Variants in HECW1 observed in about 807,000 individuals in gnomAD.
HECW1 encodes the protein E3 ubiquitin-protein ligase HECW1.
HECW1 carries 61 observed loss-of-function variants against 182.3 expected under a neutral mutation model. The observed-to-expected ratio is 0.33, with a 90% CI of 0.27 to 0.41. The LOEUF is 0.41. Among genes scored for constraint, HECW1 ranks in the 10% least tolerant of loss-of-function variants. HECW1 has a pLI of 1.00. For missense variants in HECW1, 1,739 were observed against 2,108.9 expected (o/e 0.82, Z 3.44); for synonymous variants, 859 against 832.6 (o/e 1.03, Z -0.55).
intron 17 of HECW1, among the ~76,000 whole-genome samples, chr7:43,488,801 C>A (rs2078821179): frequency 6.6e-6 from 1 of 152,196 alleles, no homozygotes; most frequent in Non-Finnish European, 1.5e-5. Context: ...CCAGTACCAA[C>A]CAACCGTTTG....
intron 7 of HECW1, among the ~76,000 whole-genome samples, chr7:43,403,081 T>C (rs957172576): frequency 2.0e-5 from 3 of 152,248 alleles, no homozygotes; most frequent in African/African-American, 7.2e-5. Context: ...AACATCCTTA[T>C]GATGTTGTTG....
At position 43,282,106 on chromosome 7, in the gene HECW1, CAT is replaced by C. The variant is rs1248977111; in HGVS notation, c.28-29656_28-29655del. 2.0e-5 allele frequency among the ~76,000 whole-genome samples: 3 copies of C among 152,336 alleles called. No homozygotes were observed. In the East Asian group the frequency reaches 5.8e-4, roughly 29 times the overall value. ...TAATTTCTACTGCTAGATTGAAGGACATGTATTTACAGCAGGAGCAATGTCTT... is the reference window on the plus strand; with the variant it reads ...TAATTTCTACTGCTAGATTGAAGGACGTATTTACAGCAGGAGCAATGTCTT... On this transcript the variant is annotated intron_variant, in intron 3 of 29. Coordinates refer to ENST00000395891, the MANE Select transcript of HECW1 (RefSeq NM_015052.5).
intron 2 of HECW1, among the ~76,000 whole-genome samples, chr7:43,168,153 G>T (rs1431231723): frequency 6.6e-6 from 1 of 152,166 alleles, no homozygotes; most frequent in Non-Finnish European, 1.5e-5. Context: ...TTTCACTTTT[G>T]CATGATGTCC....
chr7:43,422,664 C>A (rs912433124), intron 8 of HECW1, among the ~76,000 whole-genome samples: 1 of 151,900 alleles, frequency 6.6e-6, no homozygotes, highest in South Asian at 2.1e-4. Context: ...CCACAGCACC[C>A]GGCCTTTAGA....
At chr7:43,327,431 G>A (rs569529184) in intron 5 of HECW1, among the ~76,000 whole-genome samples, 7 of 152,200 alleles carry the variant, frequency 4.6e-5, no homozygotes, top group Non-Finnish European at 8.8e-5. Flanking sequence ...GAAGTAATTC[G>A]TGTTGCTTAT....
intron 3 of HECW1, among the ~76,000 whole-genome samples, chr7:43,296,530 C>T (rs1452080207): frequency 1.3e-5 from 2 of 152,118 alleles, no homozygotes; most frequent in East Asian, 1.9e-4. Flanking sequence ...GACGCAGCTG[C>T]GGAAGCCTCA....
intron 8 of HECW1, among the ~76,000 whole-genome samples, chr7:43,428,502 A>G (rs533870861): frequency 2.0e-4 from 31 of 152,330 alleles, no homozygotes; most frequent in African/African-American, 7.2e-4. Flanking sequence ...GGAAGTAATT[A>G]CAAGGACAAG....
At chr7:43,182,898 C>G (rs985362669) in intron 2 of HECW1, among the ~76,000 whole-genome samples, 6 of 151,154 alleles carry the variant, frequency 4.0e-5, no homozygotes, top group Non-Finnish European at 8.9e-5. Flanking sequence ...TCTTTCACTT[C>G]CTTGGTTAAA....
intron 2 of HECW1, among the ~76,000 whole-genome samples, chr7:43,192,289 C>T (rs1426302773): frequency 1.2e-4 from 18 of 152,164 alleles, no homozygotes; most frequent in Non-Finnish European, 2.9e-5. Flanking sequence ...AGTAGGGTGA[C>T]TCATTAACAT....
chr7:43,228,258 G>A lies in HECW1; in HGVS notation c.-31-15617G>A, dbSNP rs185079274. On this transcript the variant is annotated intron_variant, in intron 2 of 29. Coordinates refer to ENST00000395891, the MANE Select transcript of HECW1 (RefSeq NM_015052.5). ...CCCAGCACTTTGGGAGGCCAAGGCA[G>A]GGGAATCACTTGAGTCTAGGAGTTC... 2.4e-3 allele frequency among the ~76,000 whole-genome samples: 363 copies of A among 152,254 alleles called. 1 individual carries two copies. The highest frequency in any genetic ancestry group is 3.9e-3 in the Non-Finnish European group (268 of 68,018).
At chr7:43,340,915 T>C (rs1043051628) in intron 5 of HECW1, among the ~76,000 whole-genome samples, 11 of 151,754 alleles carry the variant, frequency 7.2e-5, no homozygotes, top group Non-Finnish European at 1.2e-4. Flanking sequence ...AACCCAAATG[T>C]CCATCAATGA....
intron 5 of HECW1, among the ~76,000 whole-genome samples, chr7:43,352,684 T>G (rs1280920833): frequency 6.6e-6 from 1 of 152,222 alleles, no homozygotes; most frequent in African/African-American, 2.4e-5. Context: ...TGAGGTCTGA[T>G]TATATGCCAA....
chr7:43,330,225 C>T (rs1349281274), intron 5 of HECW1, among the ~76,000 whole-genome samples: 2 of 152,194 alleles, frequency 1.3e-5, no homozygotes, highest in East Asian at 3.9e-4. Flanking sequence ...CTTCCACTTC[C>T]TCCCTCCTGG....
intron 16 of HECW1, among the ~76,000 whole-genome samples, chr7:43,474,086 T>C (rs1216260308): frequency 2.6e-5 from 4 of 152,070 alleles, no homozygotes; most frequent in Admixed American, 2.6e-4. Flanking sequence ...AATATTAATA[T>C]AGTGTGAAGA....
At chr7:43,177,153 A>G (rs1792341064) in intron 2 of HECW1, among the ~76,000 whole-genome samples, 1 of 152,146 alleles carries the variant, frequency 6.6e-6, no homozygotes, top group Admixed American at 6.5e-5. Context: ...ATTTGGAACT[A>G]TTACTCTAGA....
At chr7:43,356,141 C>T (rs1449545172) in intron 5 of HECW1, among the ~76,000 whole-genome samples, 2 of 152,068 alleles carry the variant, frequency 1.3e-5, no homozygotes, top group Non-Finnish European at 2.9e-5. Flanking sequence ...CAAGACCCAA[C>T]TATATGCTGC....
chr7:43,500,648 T>G (rs773957753), intron 19 of HECW1, 51 bp from the exon 20 acceptor site: 3 of 1,309,556 alleles, frequency 2.3e-6, no homozygotes, highest in South Asian at 1.2e-5. Flanking sequence ...AATGTATTTC[T>G]GAGTTTATGT....
intron 3 of HECW1, among the ~76,000 whole-genome samples, chr7:43,307,903 T>TATATATATATAC (rs1807820097): frequency 1.5e-5 from 2 of 135,926 alleles, no homozygotes; most frequent in African/African-American, 5.6e-5. Flanking sequence ...TATACACATA[T>TATATATATATAC]ATATATATAT....
At chr7:43,477,011 C>T (rs1563029328) in intron 16 of HECW1, among the ~76,000 whole-genome samples, 1 of 152,014 alleles carries the variant, frequency 6.6e-6, no homozygotes, top group Non-Finnish European at 1.5e-5. Context: ...TTTAACATCC[C>T]GACAACAATA....
Sources: allele counts gnomAD v4.1 joint callset (sites outside exome capture counted in the v4.1 genomes callset), GRCh38; gene constraint gnomAD v4.1.1; transcripts MANE v1.5; gene names NCBI Gene and HGNC (gene_info 2026-07-23, HGNC 2026-07-21).